Variants in NPSR1 observed in about 807,000 individuals in gnomAD.
The protein encoded by NPSR1 is neuropeptide S receptor.
A neutral mutation model predicts 46.9 loss-of-function variants in NPSR1; 48 were observed. The ratio of observed to expected loss-of-function variants is 1.02; its 90% CI spans 0.81 to 1.30. The LOEUF (loss-of-function observed/expected upper bound fraction) is 1.30. Ranked by LOEUF, NPSR1 falls within the 50% of genes most tolerant of loss-of-function variation. NPSR1 has a pLI of 0.00. For missense variants in NPSR1, 450 were observed against 449.5 expected (o/e 1.00, Z -0.01); for synonymous variants, 176 against 168.1 (o/e 1.05, Z -0.36).
intron 2 of NPSR1, among the ~76,000 whole-genome samples, chr7:34,749,090 CT>C (rs1336927855): frequency 6.6e-6 from 1 of 152,038 alleles, no homozygotes; most frequent in Non-Finnish European, 1.5e-5. Context: ...GCCATGCCCC[CT>C]GAATGGTCTC....
intron 2 of NPSR1, among the ~76,000 whole-genome samples, chr7:34,757,670 C>T (rs1196868641): frequency 6.6e-6 from 1 of 152,308 alleles, no homozygotes; most frequent in Non-Finnish European, 1.5e-5. Flanking sequence ...ATCAGCCACC[C>T]ACTAGGCTGG....
intron 2 of NPSR1, among the ~76,000 whole-genome samples, chr7:34,713,324 C>T (rs1336664611): frequency 6.6e-6 from 1 of 152,010 alleles, no homozygotes; most frequent in Non-Finnish European, 1.5e-5. Context: ...TAGCACAGTC[C>T]TGTGATGTAG....
intron 2 of NPSR1, among the ~76,000 whole-genome samples, chr7:34,697,931 C>CAA (rs1793615917): frequency 1.3e-5 from 2 of 151,882 alleles, no homozygotes; most frequent in African/African-American, 4.8e-5. Flanking sequence ...ACAAGATTGT[C>CAA]AGAGTAGATT....
At chr7:34,830,445 TG>T (rs1256883951) in intron 5 of NPSR1, among the ~76,000 whole-genome samples, 1 of 152,246 alleles carries the variant, frequency 6.6e-6, no homozygotes. Context: ...TTGCCATTTT[TG>T]TTTTTTTTAA....
chr7:34,716,419 T>C (rs1335919916), intron 2 of NPSR1, among the ~76,000 whole-genome samples: 1 of 152,172 alleles, frequency 6.6e-6, no homozygotes, highest in Admixed American at 6.5e-5. Context: ...AGTGTACATA[T>C]TGGGAGCAGG....
chr7:34,833,614 C>T (rs911801640), intron 5 of NPSR1, among the ~76,000 whole-genome samples: 1 of 152,174 alleles, frequency 6.6e-6, no homozygotes, highest in Non-Finnish European at 1.5e-5. Flanking sequence ...CACCACAAAC[C>T]TAGTGACTTA....
At chr7:34,767,800 A>G (rs1786503385) in intron 2 of NPSR1, among the ~76,000 whole-genome samples, 1 of 152,166 alleles carries the variant, frequency 6.6e-6, no homozygotes, top group Admixed American at 6.5e-5. Flanking sequence ...TTAAAAAGCT[A>G]GCTATAACTT....
chr7:34,828,821 G>A (rs1250950655), intron 5 of NPSR1, among the ~76,000 whole-genome samples: 1 of 152,124 alleles, frequency 6.6e-6, no homozygotes, highest in African/African-American at 2.4e-5. Flanking sequence ...GTCACAAGCT[G>A]CCCTTGAGAA....
At chr7:34,795,038 C>T (rs546220167) in intron 3 of NPSR1, among the ~76,000 whole-genome samples, 27 of 151,882 alleles carry the variant, frequency 1.8e-4, no homozygotes, top group African/African-American at 5.8e-4. Flanking sequence ...GACCCTATCT[C>T]TTAAAAAAAG....
At chr7:34,765,683 T>G (rs575449842) in intron 2 of NPSR1, among the ~76,000 whole-genome samples, 122 of 152,292 alleles carry the variant, frequency 8.0e-4, no homozygotes, top group Admixed American at 2.9e-3. Context: ...TGAATGCCAA[T>G]CAATGGATTG....
intron 2 of NPSR1, among the ~76,000 whole-genome samples, chr7:34,704,800 G>A (rs757858460): frequency 6.6e-6 from 1 of 152,150 alleles, no homozygotes; most frequent in Non-Finnish European, 1.5e-5. Context: ...GCTTAAGGGT[G>A]CATATTTACC....
intron 8 of NPSR1, among the ~76,000 whole-genome samples, chr7:34,863,546 C>T (rs974451032): frequency 1.3e-5 from 2 of 151,640 alleles, no homozygotes; most frequent in African/African-American, 4.9e-5. Flanking sequence ...AAAAACAACC[C>T]CATCAAAAAG....
At chr7:34,846,365 C>T (rs1417051070) in intron 7 of NPSR1, among the ~76,000 whole-genome samples, 3 of 152,082 alleles carry the variant, frequency 2.0e-5, no homozygotes, top group Non-Finnish European at 4.4e-5. Flanking sequence ...AGGGCCCTTT[C>T]TATAGCAAAC....
At chr7:34,688,917 T>G (rs1793078677) in intron 2 of NPSR1, among the ~76,000 whole-genome samples, 1 of 152,222 alleles carries the variant, frequency 6.6e-6, no homozygotes, top group Non-Finnish European at 1.5e-5. Flanking sequence ...TCCAGGCATT[T>G]GAAGCACCAA....
Position 34,794,296 on chromosome 7 carries a change from C to T in NPSR1, c.384+15731C>T, listed in dbSNP as rs187055112. On this transcript the variant is annotated intron_variant, in intron 3 of 8. Coordinates refer to ENST00000360581, the MANE Select transcript of NPSR1 (RefSeq NM_207172.2). Reference sequence around the variant, plus strand: ...TCTAATTACCCTGATTTGAGCATTACACAATATATACACATATCAAAACAT... The same window carrying T: ...TCTAATTACCCTGATTTGAGCATTATACAATATATACACATATCAAAACAT... 1.1e-3 allele frequency among the ~76,000 whole-genome samples: 174 copies of T among 152,158 alleles called. 3 individuals are homozygous for T. The highest frequency in any genetic ancestry group is 1.8e-3 in the Admixed American group (28 of 15,264).
chr7:34,698,516 A>T (rs323913), intron 2 of NPSR1, among the ~76,000 whole-genome samples: 15,616 of 152,168 alleles, frequency 0.1, 869 homozygotes, highest in Middle Eastern at 0.14. Flanking sequence ...AATTTTTGTC[A>T]AACACTGTGC....
intron 8 of NPSR1, among the ~76,000 whole-genome samples, chr7:34,856,495 G>A (rs1268900143): frequency 1.3e-5 from 2 of 151,648 alleles, no homozygotes; most frequent in Non-Finnish European, 2.9e-5. Flanking sequence ...GGGGAAAATC[G>A]GAGTGATTGG....
intron 8 of NPSR1, chr7:34,849,213 A>T: frequency 1.4e-6 from 1 of 723,474 alleles, no homozygotes; most frequent in Non-Finnish European, 2.4e-6. Flanking sequence ...TCTTGGGCTT[A>T]ATGCCAGTGG....
chr7:34,713,457 G>A (rs1216828087), intron 2 of NPSR1, among the ~76,000 whole-genome samples: 2 of 151,786 alleles, frequency 1.3e-5, no homozygotes, highest in East Asian at 1.9e-4. Flanking sequence ...AATTAGACAT[G>A]TATTATTTAT....
Sources: gnomAD v4.1 joint callset for allele counts (sites outside exome capture counted in the v4.1 genomes callset) on GRCh38, gnomAD v4.1.1 for gene constraint, MANE v1.5 for transcripts, NCBI Gene and HGNC (gene_info 2026-07-23, HGNC 2026-07-21) for gene names.